MAST4: variants seen among roughly 807,000 people sequenced by gnomAD.
MAST4 encodes the protein microtubule-associated serine/threonine-protein kinase 4.
MAST4 carries 89 observed loss-of-function variants against 162.7 expected under a neutral mutation model. That is an observed-to-expected ratio of 0.55 (90% CI 0.46 to 0.65). The LOEUF (loss-of-function observed/expected upper bound fraction) is 0.65. Ranked by LOEUF, MAST4 falls within the 30% of genes least tolerant of loss-of-function variation. The probability of loss-of-function intolerance (pLI) is 0.00; values close to 1 mark genes in which losing one functional copy is unlikely to be tolerated. For synonymous variants in MAST4, 1,479 were observed against 1,361.1 expected (o/e 1.09, Z -1.91); for missense variants, 3,153 against 3,374.0 (o/e 0.93, Z 1.62).
chr5:66,720,617 C>A (rs1751141342), intron 1 of MAST4, among the ~76,000 whole-genome samples: 1 of 152,020 alleles, frequency 6.6e-6, no homozygotes, highest in African/African-American at 2.4e-5. Flanking sequence ...ATGAGCCTCG[C>A]AAGAGGTTTG....
intron 4 of MAST4, among the ~76,000 whole-genome samples, chr5:66,961,456 T>C (rs967098793): frequency 2.0e-5 from 3 of 152,236 alleles, no homozygotes; most frequent in Non-Finnish European, 4.4e-5. Flanking sequence ...GAATTTTCCA[T>C]TGGATTTATC....
chr5:67,056,977 A>G (rs149177), intron 5 of MAST4, among the ~76,000 whole-genome samples: 22,320 of 152,074 alleles, frequency 0.15, 1,695 homozygotes, highest in Middle Eastern at 0.22. Context: ...TGCTGGGATC[A>G]TAGGCACGAG....
At chr5:66,606,619 G>A (rs543970253) in intron 1 of MAST4, among the ~76,000 whole-genome samples, 116 of 152,220 alleles carry the variant, frequency 7.6e-4, no homozygotes, top group Admixed American at 2.9e-3. Context: ...GTTAATATTT[G>A]TAGTACTTAC....
chr5:66,945,063 G>A (rs1480503757), intron 4 of MAST4, among the ~76,000 whole-genome samples: 1 of 151,604 alleles, frequency 6.6e-6, no homozygotes, highest in Non-Finnish European at 1.5e-5. Context: ...AATTTTGCCT[G>A]TCATATCCTG....
chr5:66,809,602 A>C (rs1451183153), intron 3 of MAST4, among the ~76,000 whole-genome samples: 2 of 152,228 alleles, frequency 1.3e-5, no homozygotes, highest in African/African-American at 4.8e-5. Context: ...TATGTATACA[A>C]TATTAGAAAA....
At chr5:66,702,899 C>G (rs955094900) in intron 1 of MAST4, among the ~76,000 whole-genome samples, 1 of 152,104 alleles carries the variant, frequency 6.6e-6, no homozygotes, top group Non-Finnish European at 1.5e-5. Flanking sequence ...TGAGAATAGA[C>G]CACAGGAAAG....
At chr5:66,924,683 G>A (rs1365205566) in intron 4 of MAST4, among the ~76,000 whole-genome samples, 5 of 152,214 alleles carry the variant, frequency 3.3e-5, no homozygotes, top group African/African-American at 4.8e-5. Flanking sequence ...GTGAGCCACC[G>A]CACTGGGCCT....
chr5:66,638,830 G>T (rs917892779), intron 1 of MAST4, among the ~76,000 whole-genome samples: 25 of 152,170 alleles, frequency 1.6e-4, no homozygotes, highest in African/African-American at 6.0e-4. Context: ...GGGATGTCCT[G>T]TCGGTGCTCA....
chr5:66,807,844 C>G (rs187343612), intron 3 of MAST4, among the ~76,000 whole-genome samples: 91 of 152,332 alleles, frequency 6.0e-4, no homozygotes, highest in African/African-American at 2.0e-3. Context: ...TCCACTTCCA[C>G]TCCCATCAGT....
chr5:66,717,408 T>C (rs578175102), intron 1 of MAST4, among the ~76,000 whole-genome samples: 95 of 152,382 alleles, frequency 6.2e-4, no homozygotes, highest in Middle Eastern at 3.4e-3. Flanking sequence ...TTAGTAGCTA[T>C]GCCTATATTC....
At chr5:67,150,858 C>T (rs1771709336) in intron 24 of MAST4, among the ~76,000 whole-genome samples, 1 of 152,126 alleles carries the variant, frequency 6.6e-6, no homozygotes, top group South Asian at 2.1e-4. Flanking sequence ...CAAGATGCTA[C>T]ATGAAGTCAG....
chr5:67,065,064 A>G (rs894668708), intron 5 of MAST4, among the ~76,000 whole-genome samples: 2 of 152,224 alleles, frequency 1.3e-5, no homozygotes, highest in African/African-American at 2.4e-5. Flanking sequence ...AGTATAAATG[A>G]CAATGTATTA....
chr5:67,104,253 C>T, intron 9 of MAST4, 113 bp from the exon 10 acceptor site: 1 of 774,476 alleles, frequency 1.3e-6, no homozygotes, highest in Non-Finnish European at 2.2e-6. Context: ...TTCTAGAATC[C>T]CATTTAACAA....
chr5:66,908,984 C>T (rs936422303), intron 4 of MAST4, among the ~76,000 whole-genome samples: 1 of 152,180 alleles, frequency 6.6e-6, no homozygotes, highest in Non-Finnish European at 1.5e-5. Flanking sequence ...ACAATAAGTG[C>T]TGTATGTTTT....
At chr5:67,110,032 G>T in intron 10 of MAST4, 66 bp from the exon 11 acceptor site, 2 of 1,135,160 alleles carry the variant, frequency 1.8e-6, no homozygotes, top group East Asian at 2.4e-5. Flanking sequence ...AGCATGCTTT[G>T]CTGATTTTCT....
intron 5 of MAST4, among the ~76,000 whole-genome samples, chr5:67,075,646 G>C (rs1761548890): frequency 6.6e-6 from 1 of 152,166 alleles, no homozygotes; most frequent in South Asian, 2.1e-4. Context: ...TCTCCATTAG[G>C]ATTCCAAAAT....
At chr5:67,094,997 G>C (rs958220490) in intron 6 of MAST4, among the ~76,000 whole-genome samples, 1 of 152,194 alleles carries the variant, frequency 6.6e-6, no homozygotes, top group Admixed American at 6.5e-5. Context: ...GCCAGGTCAT[G>C]TCCGAAGGCA....
intron 5 of MAST4, among the ~76,000 whole-genome samples, chr5:67,074,368 C>T (rs764829904): frequency 1.4e-4 from 21 of 152,108 alleles, no homozygotes; most frequent in South Asian, 8.3e-4. Flanking sequence ...ATGGTTTTAG[C>T]GAGCAGCTTG....
At chr5:66,701,450 C>T (rs1477828147) in intron 1 of MAST4, among the ~76,000 whole-genome samples, 2 of 152,170 alleles carry the variant, frequency 1.3e-5, no homozygotes, top group African/African-American at 4.8e-5. Flanking sequence ...TTTTCTGTTT[C>T]ACTTCCTTGC....
Sources: allele counts gnomAD v4.1 joint callset (sites outside exome capture counted in the v4.1 genomes callset), GRCh38; gene constraint gnomAD v4.1.1; transcripts MANE v1.5; gene names NCBI Gene and HGNC (gene_info 2026-07-23, HGNC 2026-07-21).